Variants in LHFPL3 observed in about 807,000 individuals in gnomAD.
LHFPL3 encodes the protein LHFPL tetraspan subfamily member 3 protein.
Under a neutral mutation model 19.3 loss-of-function variants are expected in LHFPL3, and 5 were observed. That is an observed-to-expected ratio of 0.26 (90% confidence interval 0.14 to 0.54). LHFPL3 has a LOEUF of 0.54. Ranked by LOEUF, LHFPL3 falls within the 20% of genes least tolerant of loss-of-function variation. The pLI, the probability that LHFPL3 is intolerant of heterozygous loss-of-function variation, is 0.94. For missense variants in LHFPL3, 249 were observed against 307.4 expected (o/e 0.81, Z 1.42); for synonymous variants, 133 against 126.2 (o/e 1.05, Z -0.36).
Position 104,467,239 on chromosome 7 carries a change from C to G in LHFPL3, c.445+138015C>G, listed in dbSNP as rs371909291. ...GGGCTGGTTCTTGCTCTACCTATCT[C>G]ACATGTTTGGTGCAACAGTCAAACA... On this transcript the variant is annotated intron_variant, in intron 1 of 2. Transcript: ENST00000424859. Among the ~76,000 whole-genome samples, 18 of 152,216 alleles carry G rather than the reference C, an allele frequency of 1.2e-4. No individual in the cohort carries two copies. The East Asian group carries it at 3.1e-3, about 26-fold the overall frequency.
Position 104,585,480 on chromosome 7 carries a change from A to AACACACACACACACACACACACACACAC in LHFPL3, c.446-151180_446-151153dup, listed in dbSNP as rs57028058. On this transcript the variant is annotated intron_variant, in intron 1 of 2. Transcript: ENST00000424859. Reference sequence around the variant, plus strand: ...AAAGTGGAATAAGGCAACACACACAAACACACACACACACACACACACACA... The same window carrying AACACACACACACACACACACACACACAC: ...AAAGTGGAATAAGGCAACACACACAAACACACACACACACACACACACACACACACACACACACACACACACACACACA... Among the ~76,000 whole-genome samples the AACACACACACACACACACACACACACAC allele has an allele frequency of 1.8e-3, 221 of 123,354 alleles. 12 individuals are homozygous for AACACACACACACACACACACACACACAC. Among genetic ancestry groups the AACACACACACACACACACACACACACAC allele is most frequent in the South Asian group, 3.6e-3 (12 of 3,348 alleles). The allele number at this position is 123,354 out of a possible 152,430, so 80.9% of individuals were successfully genotyped here. A position where few individuals can be genotyped will look rare whatever the true frequency, so the allele number is the denominator to read the frequency against.
Position 104,631,140 on chromosome 7 carries a change from T to TAAC in LHFPL3, c.446-105514_446-105512dup, listed in dbSNP as rs56205246. On this transcript the variant is annotated intron_variant, in intron 1 of 2. Coordinates refer to ENST00000424859, the MANE Select transcript of LHFPL3 (RefSeq NM_199000.3). ...TGACAAAGCTTGACATCATCCTAGC[T>TAAC]AACAACAACAACAACAACAACAAAG... Among the ~76,000 whole-genome samples the TAAC allele has an allele frequency of 6.0e-3, 912 of 152,094 alleles. 6 individuals are homozygous for TAAC. Among genetic ancestry groups the TAAC allele is most frequent in the Non-Finnish European group, 9.0e-3 (613 of 67,974 alleles).
At chr7:104,537,185 C>G (rs921039030) in intron 1 of LHFPL3, among the ~76,000 whole-genome samples, 2 of 152,162 alleles carry the variant, frequency 1.3e-5, no homozygotes, top group Non-Finnish European at 2.9e-5. Flanking sequence ...TTTCAACACC[C>G]CATCTCCATC....
rs921904461 is a variant in LHFPL3, at chr7:104,546,530, G to T, written c.446-190145G>T. On this transcript the variant is annotated intron_variant, in intron 1 of 2. Transcript: ENST00000424859. Reference sequence around the variant, plus strand: ...AGATAATGAAACTAATACTTGGGATGAAAACTGCTCTCTTAAGGAAGGAGT... The same window carrying T: ...AGATAATGAAACTAATACTTGGGATTAAAACTGCTCTCTTAAGGAAGGAGT... Among the ~76,000 whole-genome samples, 4 of 152,306 alleles carry T rather than the reference G, an allele frequency of 2.6e-5. No individual in the cohort carries two copies. In the East Asian group the frequency reaches 5.8e-4, roughly 22 times the overall value.
chr7:104,395,759 A>C (rs1398690458), intron 1 of LHFPL3, among the ~76,000 whole-genome samples: 1 of 152,216 alleles, frequency 6.6e-6, no homozygotes, highest in Non-Finnish European at 1.5e-5. Flanking sequence ...TTTCTAGGAC[A>C]CCAGGTAATT....
At position 104,385,029 on chromosome 7, in the gene LHFPL3, T is replaced by G. The variant is rs1402319130; in HGVS notation, c.445+55805T>G. On this transcript the variant is annotated intron_variant, in intron 1 of 2. Coordinates refer to ENST00000424859, the MANE Select transcript of LHFPL3 (RefSeq NM_199000.3). ...CCAATCCGAAGAAATTGGCCTCACG[T>G]TTTTTATGTGCCTTAACCTTTACTC... Among the ~76,000 whole-genome samples the G allele has an allele frequency of 2.6e-5, 4 of 152,058 alleles. No individual in the cohort carries two copies. The East Asian group carries it at 5.9e-4, about 22-fold the overall frequency.
chr7:104,529,704 G>T (rs1794259054), intron 1 of LHFPL3, among the ~76,000 whole-genome samples: 1 of 152,160 alleles, frequency 6.6e-6, no homozygotes, highest in Non-Finnish European at 1.5e-5. Flanking sequence ...ACTAATTGAA[G>T]GGGTGTCAGG....
At chr7:104,827,164 C>A (rs1393485391) in intron 2 of LHFPL3, among the ~76,000 whole-genome samples, 1 of 152,008 alleles carries the variant, frequency 6.6e-6, no homozygotes, top group South Asian at 2.1e-4. Context: ...AATGTGAGCA[C>A]TGACAAATCA....
At chr7:104,869,083 G>T (rs1360001220) in intron 2 of LHFPL3, among the ~76,000 whole-genome samples, 1 of 151,870 alleles carries the variant, frequency 6.6e-6, no homozygotes, top group Non-Finnish European at 1.5e-5. Context: ...ATTCAAGATG[G>T]ATTAAAGACT....
intron 1 of LHFPL3, among the ~76,000 whole-genome samples, chr7:104,605,019 CT>C (rs1242038618): frequency 6.6e-6 from 1 of 152,208 alleles, no homozygotes; most frequent in African/African-American, 2.4e-5. Context: ...ATTCTTCATC[CT>C]TCAAGGCTAT....
chr7:104,580,582 C>G (rs1790441665), intron 1 of LHFPL3, among the ~76,000 whole-genome samples: 1 of 152,044 alleles, frequency 6.6e-6, no homozygotes, highest in African/African-American at 2.4e-5. Context: ...TAATGTAATG[C>G]ATAAAGTTAG....
chr7:104,713,377 C>T lies in LHFPL3; in HGVS notation c.446-23298C>T, dbSNP rs143846820. Among the ~76,000 whole-genome samples the T allele has an allele frequency of 2.8e-3, 428 of 152,316 alleles. 2 individuals carry two copies. The highest frequency in any genetic ancestry group is 9.9e-3 in the African/African-American group (412 of 41,566). On this transcript the variant is annotated intron_variant, in intron 1 of 2. Transcript: ENST00000424859. ...ATAAAGAAAAGAGGTTTAATTGACT[C>T]ACAGTTCCACAGGCTGTGCAGGTAG...
intron 1 of LHFPL3, among the ~76,000 whole-genome samples, chr7:104,701,509 T>A (rs2116175945): frequency 6.6e-6 from 1 of 152,312 alleles, no homozygotes; most frequent in South Asian, 2.1e-4. Context: ...GAAAATATAT[T>A]TACTATTCAT....
chr7:104,467,894 C>G (rs1433435852), intron 1 of LHFPL3, among the ~76,000 whole-genome samples: 1 of 152,148 alleles, frequency 6.6e-6, no homozygotes, highest in Non-Finnish European at 1.5e-5. Context: ...TGTCTTTCAC[C>G]TTGTAGGCTG....
intron 2 of LHFPL3, among the ~76,000 whole-genome samples, chr7:104,853,052 C>A (rs1474674029): frequency 2.0e-5 from 3 of 152,240 alleles, no homozygotes; most frequent in Non-Finnish European, 4.4e-5. Flanking sequence ...CATCTCGGGG[C>A]AGGGCATAGC....
chr7:104,640,739 T>G (rs1791818101), intron 1 of LHFPL3, among the ~76,000 whole-genome samples: 1 of 152,198 alleles, frequency 6.6e-6, no homozygotes, highest in East Asian at 1.9e-4. Flanking sequence ...GAAATGTGCA[T>G]TTTTAAGAGT....
chr7:104,520,068 A>G (rs192201377), intron 1 of LHFPL3, among the ~76,000 whole-genome samples: 16 of 151,800 alleles, frequency 1.1e-4, no homozygotes, highest in Non-Finnish European at 1.6e-4. Flanking sequence ...ATTCAGTATG[A>G]TATTGGCTGT....
chr7:104,365,028 G>C (rs1790457559), intron 1 of LHFPL3, among the ~76,000 whole-genome samples: 1 of 152,244 alleles, frequency 6.6e-6, no homozygotes, highest in Non-Finnish European at 1.5e-5. Flanking sequence ...GGCTGGGTGT[G>C]GTGGCTCACA....
intron 1 of LHFPL3, among the ~76,000 whole-genome samples, chr7:104,438,173 AC>A (rs1241902844): frequency 6.6e-6 from 1 of 152,216 alleles, no homozygotes; most frequent in Non-Finnish European, 1.5e-5. Context: ...TGTGCCAGGA[AC>A]TAGGGAGAGA....
Sources: gnomAD v4.1 joint callset for allele counts (sites outside exome capture counted in the v4.1 genomes callset) on GRCh38, gnomAD v4.1.1 for gene constraint, MANE v1.5 for transcripts, NCBI Gene and HGNC (gene_info 2026-07-23, HGNC 2026-07-21) for gene names.